Variants in DYRK1A observed in about 807,000 individuals in gnomAD.
DYRK1A encodes dual specificity tyrosine phosphorylation regulated kinase 1A.
In DYRK1A, 9 loss-of-function variants were observed where a neutral mutation model predicts 79.7. The ratio of observed to expected loss-of-function variants is 0.11; its 90% CI spans 0.07 to 0.20. DYRK1A has a LOEUF of 0.20. Ranked by LOEUF, DYRK1A falls within the 10% of genes least tolerant of loss-of-function variation. DYRK1A has a pLI of 1.00. For missense variants in DYRK1A, 622 were observed against 956.0 expected, an observed-to-expected ratio of 0.65 and a Z score of 4.61; for synonymous variants, 349 against 329.7, an observed-to-expected ratio of 1.06 and a Z score of -0.63.
intron 1 of DYRK1A, chr21:37,419,920 A>C (rs2050431906): frequency 6.5e-6 from 1 of 152,796 alleles, no homozygotes; most frequent in Admixed American, 6.5e-5. Flanking sequence ...GTAAACTACT[A>C]TGAAAGTGAA....
chr21:37,480,567 A>G (rs1248169033), intron 4 of DYRK1A, 71 bp from the exon 5 acceptor site: 21 of 1,236,896 alleles, frequency 1.7e-5, no homozygotes, highest in Admixed American at 7.5e-5. Flanking sequence ...GTGTGTGTCA[A>G]TATACTCTGA....
chr21:37,477,907 G>A (rs571988725), intron 3 of DYRK1A, among the ~76,000 whole-genome samples: 4 of 152,326 alleles, frequency 2.6e-5, no homozygotes, highest in African/African-American at 9.6e-5. Flanking sequence ...GCAACATCCT[G>A]TGTGTCTCCT....
chr21:37,369,077 T>C (rs1300746494), intron 1 of DYRK1A, among the ~76,000 whole-genome samples: 1 of 152,252 alleles, frequency 6.6e-6, no homozygotes, highest in Non-Finnish European at 1.5e-5. Flanking sequence ...TTTTTGAGTA[T>C]TGATGAGTCA....
intron 5 of DYRK1A, among the ~76,000 whole-genome samples, chr21:37,484,897 G>C (rs1209293584): frequency 6.6e-6 from 1 of 152,166 alleles, no homozygotes; most frequent in Non-Finnish European, 1.5e-5. Flanking sequence ...GTGTTGTGCA[G>C]TGTCCACGTT....
At chr21:37,479,609 TTTGTTTTTTG>T (rs1327221079) in intron 4 of DYRK1A, among the ~76,000 whole-genome samples, 76 of 69,518 alleles carry the variant, frequency 1.1e-3, no homozygotes, top group African/African-American at 4.5e-3. Context: ...TGTTTTTGTT[TTTGTTTTTTG>T]TTTTTTTTTT....
At position 37,478,199 on chromosome 21, in the gene DYRK1A, A is replaced by G. The variant is rs2052470291; in HGVS notation, c.208-9A>G. 4 of 1,614,088 alleles carry G rather than the reference A, an allele frequency of 2.5e-6. No individual in the cohort carries two copies. The highest frequency in any genetic ancestry group is 3.4e-6 in the Non-Finnish European group (4 of 1,180,000). On this transcript the variant is annotated splice_polypyrimidine_tract_variant and intron_variant, in intron 3 of 11. Transcript: ENST00000647188. ...ATTTAAGGTGATGCCTGATATTGTC[A>G]TGTTACAGAGGCGGATGCCCCAAAC...
In DYRK1A at chr21:37,522,393, C is replaced by T. The variant is rs1484890696; in HGVS notation, c.*9862C>T. The T allele has an allele frequency of 6.6e-6, 1 of 152,270 alleles. No individual in the cohort carries two copies. The highest frequency in any genetic ancestry group is 1.5e-5 in the Non-Finnish European group (1 of 68,046). The allele number at this position is 152,270 out of a possible 1,614,324, so 9.4% of individuals were successfully genotyped here. On this transcript the variant is annotated 3_prime_UTR_variant, in exon 12 of 12. Coordinates refer to ENST00000647188, the MANE Select transcript of DYRK1A (RefSeq NM_001347721.2). ...AAGCAACTTGCAGAAGATGACACAA[C>T]TGACCAGCGACAGTCTGTCTTCTAG...
At chr21:37,378,693 T>A (rs981329701) in intron 1 of DYRK1A, among the ~76,000 whole-genome samples, 12 of 152,136 alleles carry the variant, frequency 7.9e-5, no homozygotes, top group Non-Finnish European at 1.5e-5. Context: ...GAGATATGAG[T>A]CGTGGTAGAA....
At chr21:37,429,211 TAGA>T (rs764751032) in intron 2 of DYRK1A, among the ~76,000 whole-genome samples, 1 of 152,234 alleles carries the variant, frequency 6.6e-6, no homozygotes, top group African/African-American at 2.4e-5. Flanking sequence ...GTCTGCTTTG[TAGA>T]AGGTTACCAA....
intron 2 of DYRK1A, among the ~76,000 whole-genome samples, chr21:37,428,507 G>GT (rs1255789680): frequency 2.0e-5 from 3 of 152,138 alleles, no homozygotes; most frequent in African/African-American, 7.2e-5. Flanking sequence ...CTTCTGGAAA[G>GT]TTTTTTAGAT....
At chr21:37,419,518 A>G (rs2050423126) in intron 1 of DYRK1A, 3 of 152,224 alleles carry the variant, frequency 2.0e-5, no homozygotes, top group South Asian at 4.1e-4. Context: ...AACATATGCA[A>G]CATTGTTCTA....
At chr21:37,378,495 T>C (rs57504818) in intron 1 of DYRK1A, among the ~76,000 whole-genome samples, 2,970 of 152,284 alleles carry the variant, frequency 0.02, 87 homozygotes, top group African/African-American at 0.067. Context: ...ATCACGCCAT[T>C]GCACTCCAGC....
chr21:37,497,894 G>T (rs1052775362), intron 9 of DYRK1A, among the ~76,000 whole-genome samples: 1 of 151,868 alleles, frequency 6.6e-6, no homozygotes, highest in East Asian at 1.9e-4. Context: ...TATTTTAGTC[G>T]CACTTAGCAA....
At chr21:37,506,748 C>T (rs1229044951) in intron 11 of DYRK1A, among the ~76,000 whole-genome samples, 7 of 152,198 alleles carry the variant, frequency 4.6e-5, no homozygotes, top group Admixed American at 1.3e-4. Flanking sequence ...TGGAGTGAAG[C>T]AGATGGTGAT....
Position 37,505,546 on chromosome 21 carries a change from G to T in DYRK1A, c.1476G>T (p.Gln492His). 2 of 1,610,742 alleles carry T rather than the reference G, an allele frequency of 1.2e-6. No homozygotes were observed. Among genetic ancestry groups the T allele is most frequent in the Non-Finnish European group, 8.5e-7 (1 of 1,179,954 alleles). The change falls in exon 10 of 12, where the codon CAG becomes CAT. Residue 492 changes from glutamine (Q) to histidine (H), a missense_variant. Gln to His is a conservative substitution (Grantham distance 24, BLOSUM62 0). Coordinates refer to ENST00000647188, the MANE Select transcript of DYRK1A (RefSeq NM_001347721.2). ...TATCTACAAGCCCCGCCATGGAGCAGTCTCAGTCTTCGGGCACCACCTCCA... is the reference window on the plus strand; with the variant it reads ...TATCTACAAGCCCCGCCATGGAGCATTCTCAGTCTTCGGGCACCACCTCCA... ...NSVSTSPAME[Q>H]SQSSGTTSST... is the part of the protein sequence containing the mutation.
In DYRK1A at chr21:37,525,808, G is replaced by A. The variant is rs1287687168; in HGVS notation, c.*13277G>A. The A allele has an allele frequency of 6.6e-6, 1 of 152,154 alleles. No individual in the cohort carries two copies. Among genetic ancestry groups the A allele is most frequent in the Non-Finnish European group, 1.5e-5 (1 of 68,028 alleles). The allele number at this position is 152,154 out of a possible 1,614,324, so 9.4% of individuals were successfully genotyped here. A position where few individuals can be genotyped will look rare whatever the true frequency, so the allele number is the denominator to read the frequency against. On this transcript the variant is annotated 3_prime_UTR_variant, in exon 12 of 12. Coordinates refer to ENST00000647188, the MANE Select transcript of DYRK1A (RefSeq NM_001347721.2). ...ATATCCCGACATGGCCTGTAATACA[G>A]CAGTTCAATGGTTTAGTAGTGGTAA...
chr21:37,483,807 T>C (rs2052747569), intron 5 of DYRK1A, among the ~76,000 whole-genome samples: 1 of 151,940 alleles, frequency 6.6e-6, no homozygotes, highest in Non-Finnish European at 1.5e-5. Context: ...GGTCTTGAAC[T>C]CCTGGGCTCA....
At chr21:37,426,400 A>C (rs2050619795) in intron 2 of DYRK1A, among the ~76,000 whole-genome samples, 1 of 152,202 alleles carries the variant, frequency 6.6e-6, no homozygotes, top group Admixed American at 6.5e-5. Context: ...GCATGCCAGA[A>C]AGAAATGTCC....
intron 1 of DYRK1A, among the ~76,000 whole-genome samples, chr21:37,389,392 C>G (rs1445121511): frequency 1.3e-5 from 2 of 152,074 alleles, no homozygotes; most frequent in South Asian, 2.1e-4. Flanking sequence ...TCTTGAACTT[C>G]TGGGCTCAAG....
Sources: gnomAD v4.1 joint callset for allele counts (sites outside exome capture counted in the v4.1 genomes callset) on GRCh38, gnomAD v4.1.1 for gene constraint, MANE v1.5 for transcripts, NCBI Gene and HGNC (gene_info 2026-07-23, HGNC 2026-07-21) for gene names.